The following EPM2A variants were observed in gnomAD, a reference collection of about 807,000 sequenced individuals.
EPM2A encodes the protein laforin.
In EPM2A, 21 loss-of-function variants were observed where a neutral mutation model predicts 26.5. That is an observed-to-expected ratio of 0.79 (90% CI 0.56 to 1.14). The LOEUF (loss-of-function observed/expected upper bound fraction) is 1.14, where lower values mean the gene tolerates loss of function less well. EPM2A is among the 50% of genes most tolerant of loss of function. EPM2A has a pLI of 0.00. For missense variants in EPM2A, 458 were observed against 440.8 expected (o/e 1.04, Z -0.35); for synonymous variants, 217 against 177.6 (o/e 1.22, Z -1.76).
chr6:145,520,341 G>A (rs1780187254), intron 2 of EPM2A, among the ~76,000 whole-genome samples: 1 of 152,100 alleles, frequency 6.6e-6, no homozygotes, highest in Admixed American at 6.6e-5. Context: ...CACCTCATTT[G>A]CTTTCTTTGA....
chr6:145,526,622 T>C (rs1430613169), intron 2 of EPM2A, among the ~76,000 whole-genome samples: 1 of 152,084 alleles, frequency 6.6e-6, no homozygotes, highest in Non-Finnish European at 1.5e-5. Context: ...TGTATTTCTA[T>C]GGGATCGGTT....
chr6:145,598,029 G>A (rs892444156), intron 2 of EPM2A, among the ~76,000 whole-genome samples: 4 of 152,128 alleles, frequency 2.6e-5, no homozygotes, highest in African/African-American at 4.8e-5. Flanking sequence ...GTGCTGCAAT[G>A]AACATTCACA....
rs201078430 is a variant in EPM2A, at chr6:145,581,587, T to C, written c.340+53658A>G. 1.6e-4 allele frequency among the ~76,000 whole-genome samples: 24 copies of C among 152,304 alleles called. No individual in the cohort carries two copies. In the East Asian group the frequency reaches 4.6e-3, roughly 29 times the overall value. Reference sequence around the variant, plus strand: ...TCTTTGACAGGTCCTATGTCCAAAATGGTATTTCCAGATTTTCTTCTAGTG... The same window carrying C: ...TCTTTGACAGGTCCTATGTCCAAAACGGTATTTCCAGATTTTCTTCTAGTG... On this transcript the variant is annotated intron_variant, in intron 2 of 3. Transcript: ENST00000450221.
At chr6:145,646,904 C>A (rs189781517) in intron 2 of EPM2A, among the ~76,000 whole-genome samples, 26 of 152,116 alleles carry the variant, frequency 1.7e-4, no homozygotes, top group Non-Finnish European at 3.4e-4. Flanking sequence ...CCACAGCCAC[C>A]CAGTCATGTA....
intron 2 of EPM2A, among the ~76,000 whole-genome samples, chr6:145,566,891 TCAAA>T (rs1780890828): frequency 1.3e-5 from 2 of 152,246 alleles, no homozygotes; most frequent in Non-Finnish European, 2.9e-5. Flanking sequence ...GATGCCTGTG[TCAAA>T]TTCATTCTCG....
At chr6:145,595,584 C>G (rs1338799358) in intron 2 of EPM2A, among the ~76,000 whole-genome samples, 2 of 151,808 alleles carry the variant, frequency 1.3e-5, no homozygotes, top group African/African-American at 4.8e-5. Context: ...AAGGATATAT[C>G]TATTTTATAT....
chr6:145,521,387 A>G (rs1182964024), intron 2 of EPM2A, among the ~76,000 whole-genome samples: 1 of 152,224 alleles, frequency 6.6e-6, no homozygotes, highest in African/African-American at 2.4e-5. Flanking sequence ...TTGCCTGATT[A>G]CCAGGCGATA....
chr6:145,426,550 C>A (rs958081367), intron 4 of EPM2A, among the ~76,000 whole-genome samples: 1 of 152,040 alleles, frequency 6.6e-6, no homozygotes, highest in Non-Finnish European at 1.5e-5. Flanking sequence ...AATGTCAAAA[C>A]ATATAAAACT....
chr6:145,413,422 C>T (rs1203783775), intron 4 of EPM2A, among the ~76,000 whole-genome samples: 1 of 152,066 alleles, frequency 6.6e-6, no homozygotes, highest in Non-Finnish European at 1.5e-5. Flanking sequence ...AAAGTGAAAT[C>T]CAGCACTTGA....
chr6:145,456,032 C>T (rs547931430), intron 4 of EPM2A, among the ~76,000 whole-genome samples: 134 of 152,108 alleles, frequency 8.8e-4, no homozygotes, highest in Non-Finnish European at 1.4e-3. Flanking sequence ...CAAATTACTG[C>T]GATTTTTTAA....
intron 2 of EPM2A, among the ~76,000 whole-genome samples, chr6:145,522,209 C>T (rs1373569152): frequency 6.6e-6 from 1 of 152,154 alleles, no homozygotes; most frequent in African/African-American, 2.4e-5. Context: ...GCCTCAGCCT[C>T]CCAAAGTGCT....
chr6:145,735,548 C>G, upstream of EPM2A: 1 of 1,134,938 alleles, frequency 8.8e-7, no homozygotes, highest in Non-Finnish European at 1.1e-6. Context: ...CCGCGGCCGG[C>G]AGGCGCGGCC....
At chr6:145,387,977 A>G (rs1778285751) in intron 4 of EPM2A, among the ~76,000 whole-genome samples, 1 of 152,102 alleles carries the variant, frequency 6.6e-6, no homozygotes, top group Non-Finnish European at 1.5e-5. Context: ...TGTTGTTTGT[A>G]TTCATTTGGG....
At chr6:145,680,379 A>G (rs1481106441) in intron 2 of EPM2A, among the ~76,000 whole-genome samples, 1 of 146,162 alleles carries the variant, frequency 6.8e-6, no homozygotes, top group Non-Finnish European at 1.5e-5. Flanking sequence ...TTATTTATTT[A>G]TTTATTTTAT....
chr6:145,418,785 G>GTGAA (rs1452265482), intron 4 of EPM2A, among the ~76,000 whole-genome samples: 4 of 152,200 alleles, frequency 2.6e-5, no homozygotes, highest in African/African-American at 9.6e-5. Context: ...CAGACTGCCA[G>GTGAA]TGAATGAATG....
At chr6:145,439,611 CTTACTTTG>C (rs1413482577) in intron 4 of EPM2A, among the ~76,000 whole-genome samples, 1 of 152,068 alleles carries the variant, frequency 6.6e-6, no homozygotes, top group East Asian at 1.9e-4. Context: ...GCATGTGGGT[CTTACTTTG>C]AAAAGTGTCT....
At chr6:145,395,436 C>G (rs1423185823) in intron 4 of EPM2A, among the ~76,000 whole-genome samples, 2 of 152,254 alleles carry the variant, frequency 1.3e-5, no homozygotes, top group African/African-American at 4.8e-5. Flanking sequence ...AGATTAGAGT[C>G]AACAATTCAA....
At chr6:145,661,485 C>A (rs1778703721) in intron 2 of EPM2A, among the ~76,000 whole-genome samples, 1 of 152,174 alleles carries the variant, frequency 6.6e-6, no homozygotes, top group South Asian at 2.1e-4. Context: ...GTGAAGAACA[C>A]CTTTGTGATT....
chr6:145,393,886 T>C (rs1022278007), intron 4 of EPM2A, among the ~76,000 whole-genome samples: 3 of 151,620 alleles, frequency 2.0e-5, no homozygotes, highest in African/African-American at 7.3e-5. Flanking sequence ...TGCAGTGGCG[T>C]GGTCTTGGCT....
Sources: gnomAD v4.1 joint callset for allele counts (sites outside exome capture counted in the v4.1 genomes callset) on GRCh38, gnomAD v4.1.1 for gene constraint, MANE v1.5 for transcripts, NCBI Gene and HGNC (gene_info 2026-07-23, HGNC 2026-07-21) for gene names.